The following LIPN variants were observed in gnomAD, a reference collection of about 807,000 sequenced individuals.
The protein encoded by LIPN is lipase member N.
Under a neutral mutation model 43.7 loss-of-function variants are expected in LIPN, and 32 were observed. The observed-to-expected ratio is 0.73, with a 90% confidence interval of 0.55 to 0.98. LIPN has a LOEUF of 0.98. LIPN is among the 50% of genes least tolerant of loss of function. The pLI is 0.00. For missense variants in LIPN, 505 were observed against 483.8 expected, an observed-to-expected ratio of 1.04 and a Z score of -0.41; for synonymous variants, 156 against 157.6, an observed-to-expected ratio of 0.99 and a Z score of 0.08.
intron 9 of LIPN, 85 bp from the exon 10 acceptor site, chr10:88,777,924 C>T: frequency 1.3e-6 from 1 of 751,486 alleles, no homozygotes; most frequent in East Asian, 2.5e-5. Context: ...GAACTATGGC[C>T]ATTGTCCACA....
intron 3 of LIPN, among the ~76,000 whole-genome samples, chr10:88,763,770 C>T (rs772638794): frequency 2.2e-4 from 33 of 151,976 alleles, no homozygotes; most frequent in Non-Finnish European, 7.4e-5. Context: ...GGACACTGAG[C>T]TGAGCATATT....
chr10:88,771,643 C>T (rs958273147), intron 7 of LIPN, among the ~76,000 whole-genome samples: 1 of 151,802 alleles, frequency 6.6e-6, no homozygotes, highest in Non-Finnish European at 1.5e-5. Flanking sequence ...TTTATCCACT[C>T]ATCTGTTGAT....
chr10:88,760,478 A>G (rs1301492951), intron 1 of LIPN, among the ~76,000 whole-genome samples: 1 of 152,130 alleles, frequency 6.6e-6, no homozygotes, highest in Non-Finnish European at 1.5e-5. Context: ...ATGCAAAGCT[A>G]TTTAGCTTCA....
intron 9 of LIPN, among the ~76,000 whole-genome samples, chr10:88,775,550 T>A (rs993730666): frequency 1.1e-4 from 17 of 151,986 alleles, no homozygotes; most frequent in Non-Finnish European, 2.1e-4. Context: ...ATAATAGAAA[T>A]TATTTCATAA....
chr10:88,777,904 G>C (rs1046589982), intron 9 of LIPN, 105 bp from the exon 10 acceptor site: 5 of 647,632 alleles, frequency 7.7e-6, no homozygotes, highest in Non-Finnish European at 1.1e-5. Context: ...TATGTTGCTG[G>C]TGCCTAACAG....
chr10:88,757,828 T>G (rs555810835), upstream of LIPN, among the ~76,000 whole-genome samples: 1 of 152,164 alleles, frequency 6.6e-6, no homozygotes, highest in Non-Finnish European at 1.5e-5. Context: ...TGGACACTTA[T>G]GGTTCTATTG....
intron 1 of LIPN, among the ~76,000 whole-genome samples, chr10:88,760,841 T>G (rs1272314503): frequency 6.6e-6 from 1 of 152,150 alleles, no homozygotes; most frequent in Non-Finnish European, 1.5e-5. Context: ...TACCTTTGAA[T>G]AGACATACTT....
At chr10:88,775,859 G>C (rs1047583483) in intron 9 of LIPN, among the ~76,000 whole-genome samples, 5 of 151,846 alleles carry the variant, frequency 3.3e-5, no homozygotes, top group Non-Finnish European at 2.9e-5. Context: ...GCTATTTACT[G>C]GTGCAACTAT....
intron 2 of LIPN, among the ~76,000 whole-genome samples, chr10:88,761,814 C>A (rs1843006374): frequency 6.6e-6 from 1 of 151,028 alleles, no homozygotes; most frequent in Admixed American, 6.6e-5. Flanking sequence ...GATAGAACCT[C>A]CTCTTTTGAA....
chr10:88,757,387 T>G (rs1842939160), upstream of LIPN, among the ~76,000 whole-genome samples: 1 of 152,186 alleles, frequency 6.6e-6, no homozygotes, highest in South Asian at 2.1e-4. Context: ...ATGGACGTTA[T>G]CAAGGACAGC....
At chr10:88,762,681 G>A (rs761125096) in intron 3 of LIPN, among the ~76,000 whole-genome samples, 3 of 151,974 alleles carry the variant, frequency 2.0e-5, no homozygotes, top group Admixed American at 6.6e-5. Context: ...AATTGACTCT[G>A]GGGCACCCAA....
chr10:88,773,233 CTG>C (rs1843240219), intron 7 of LIPN, among the ~76,000 whole-genome samples: 1 of 151,766 alleles, frequency 6.6e-6, no homozygotes, highest in Non-Finnish European at 1.5e-5. Flanking sequence ...AATATGAAGA[CTG>C]GGGAAGTGAA....
chr10:88,762,135 C>T (rs1843011185), intron 2 of LIPN, 53 bp from the exon 3 acceptor site: 2 of 935,710 alleles, frequency 2.1e-6, no homozygotes, highest in Middle Eastern at 2.2e-4. Flanking sequence ...GTTTTGATTC[C>T]TTTTTATATC....
rs186727510 is a variant in LIPN, at chr10:88,777,916, A to G, written c.964-93A>G. Reference sequence around the variant, plus strand: ...TCATATGTTGCTGGTGCCTAACAGAACTATGGCCATTGTCCACATTCATTT... The same window carrying G: ...TCATATGTTGCTGGTGCCTAACAGAGCTATGGCCATTGTCCACATTCATTT... On this transcript the variant is annotated intron_variant, in intron 9 of 9. Coordinates refer to ENST00000404459, the MANE Select transcript of LIPN (RefSeq NM_001102469.2). The G allele has an allele frequency of 6.9e-6, 5 of 720,812 alleles. No individual in the cohort carries two copies. In the African/African-American group the frequency reaches 8.8e-5, roughly 13 times the overall value. 44.7% of individuals were successfully genotyped at this position (720,812 alleles called of 1,614,324 possible). A position where few individuals can be genotyped will look rare whatever the true frequency, so the allele number is the denominator to read the frequency against.
At chr10:88,762,107 G>A in intron 2 of LIPN, 81 bp from the exon 3 acceptor site, 2 of 670,162 alleles carry the variant, frequency 3.0e-6, no homozygotes, top group Non-Finnish European at 5.3e-6. Context: ...ACCCTAATAA[G>A]CACACAACAG....
At chr10:88,767,949 C>G (rs1843135124) in intron 5 of LIPN, among the ~76,000 whole-genome samples, 1 of 150,780 alleles carries the variant, frequency 6.6e-6, no homozygotes, top group Non-Finnish European at 1.5e-5. Flanking sequence ...ATCAATTGTT[C>G]AGTCAATTAT....
chr10:88,761,634 TA>T, intron 2 of LIPN, 121 bp downstream of exon 2: 1 of 686,152 alleles, frequency 1.5e-6, no homozygotes, highest in Non-Finnish European at 2.5e-6. Context: ...AGATGGTTTT[TA>T]ACCTCTGCAA....
At chr10:88,777,509 A>T (rs1428977458) in intron 9 of LIPN, among the ~76,000 whole-genome samples, 1 of 151,748 alleles carries the variant, frequency 6.6e-6, no homozygotes, top group Non-Finnish European at 1.5e-5. Context: ...TGTCTCCAAA[A>T]CTTCCGCAAT....
chr10:88,762,707 C>T (rs1263273356), intron 3 of LIPN, among the ~76,000 whole-genome samples: 1 of 152,064 alleles, frequency 6.6e-6, no homozygotes, highest in Non-Finnish European at 1.5e-5. Flanking sequence ...ACCTCTCCTG[C>T]TCCCACTAAA....
Sources: gnomAD v4.1 joint callset for allele counts (sites outside exome capture counted in the v4.1 genomes callset) on GRCh38, gnomAD v4.1.1 for gene constraint, MANE v1.5 for transcripts, NCBI Gene and HGNC (gene_info 2026-07-23, HGNC 2026-07-21) for gene names.